Variants in ARHGAP24 observed in about 807,000 individuals in gnomAD.
ARHGAP24 encodes the protein Rho GTPase activating protein 24.
A neutral mutation model predicts 76.4 loss-of-function variants in ARHGAP24; 50 were observed. That is an observed-to-expected ratio of 0.65 (90% CI 0.52 to 0.83). The LOEUF (loss-of-function observed/expected upper bound fraction) is 0.83. Among genes scored for constraint, ARHGAP24 ranks in the 40% least tolerant of loss-of-function variants. The probability of loss-of-function intolerance (pLI) is 0.00; values close to 1 mark genes in which losing one functional copy is unlikely to be tolerated. For missense variants in ARHGAP24, 930 were observed against 914.2 expected, an observed-to-expected ratio of 1.02 and a Z score of -0.22; for synonymous variants, 345 against 323.3, an observed-to-expected ratio of 1.07 and a Z score of -0.72.
intron 3 of ARHGAP24, among the ~76,000 whole-genome samples, chr4:85,868,948 A>G (rs1445735702): frequency 2.6e-5 from 4 of 151,906 alleles, no homozygotes; most frequent in Admixed American, 1.3e-4. Context: ...TCATTGATCT[A>G]TCATAGTTGT....
chr4:85,521,456 A>ATACCTTCTCTCCCCCTCCCTTTTTATCC (rs1474189421), intron 1 of ARHGAP24, among the ~76,000 whole-genome samples: 1 of 90,002 alleles, frequency 1.1e-5, no homozygotes, highest in Non-Finnish European at 2.6e-5. Context: ...CCTTTTTATC[A>ATACCTTCTCTCCCCCTCCCTTTTTATCC]CCTCCATCCG....
chr4:85,597,657 T>C (rs1719889832), intron 2 of ARHGAP24, among the ~76,000 whole-genome samples: 1 of 151,668 alleles, frequency 6.6e-6, no homozygotes, highest in Admixed American at 6.6e-5. Flanking sequence ...TAGACACTGG[T>C]ATTTGGGAGA....
intron 3 of ARHGAP24, among the ~76,000 whole-genome samples, chr4:85,752,818 TTGCTTGG>T (rs1473258208): frequency 6.6e-6 from 1 of 152,222 alleles, no homozygotes; most frequent in African/African-American, 2.4e-5. Flanking sequence ...GCCTAACACC[TTGCTTGG>T]CACAAAGGAG....
At chr4:85,525,643 C>T (rs1413395378) in intron 1 of ARHGAP24, among the ~76,000 whole-genome samples, 1 of 152,122 alleles carries the variant, frequency 6.6e-6, no homozygotes, top group African/African-American at 2.4e-5. Flanking sequence ...AGATCTCTTG[C>T]ATATTTGTAG....
chr4:85,655,818 A>AAGAGAGAGAGAGAGAG (rs70948743), intron 2 of ARHGAP24, among the ~76,000 whole-genome samples: 2 of 35,506 alleles, frequency 5.6e-5, no homozygotes, highest in African/African-American at 1.5e-4. Flanking sequence ...GAGAGAGAGA[A>AAGAGAGAGAGAGAGAG]AGAGAGAGAG....
intron 9 of ARHGAP24, chr4:86,000,172 G>A (rs1225796790): frequency 3.3e-5 from 8 of 241,724 alleles, no homozygotes; most frequent in South Asian, 2.5e-4. Context: ...TTTCTGCCTC[G>A]TCTGCCCGGC....
chr4:85,552,620 T>TA (rs1361281160), intron 1 of ARHGAP24, among the ~76,000 whole-genome samples: 2 of 152,172 alleles, frequency 1.3e-5, no homozygotes, highest in Admixed American at 1.3e-4. Context: ...AGTGGGGTAT[T>TA]GACATCTCCC....
chr4:86,002,407 A>G lies in ARHGAP24; in HGVS notation c.*1685A>G, dbSNP rs1415567805. 1 of 152,208 alleles carries G rather than the reference A, an allele frequency of 6.6e-6. No individual in the cohort carries two copies. Among genetic ancestry groups the G allele is most frequent in the African/African-American group, 2.4e-5 (1 of 41,452 alleles). The allele number at this position is 152,208 out of a possible 1,614,324, so 9.4% of individuals were successfully genotyped here. A position where few individuals can be genotyped will look rare whatever the true frequency, so the allele number is the denominator to read the frequency against. The stretch of plus-strand genomic sequence containing the variant: ...CCAGTTACTTCCACCTGGACATACG[A>G]TAGGAAATTCAAACTCAAAATATGA... On this transcript the variant is annotated 3_prime_UTR_variant, in exon 10 of 10. Coordinates refer to ENST00000395184, the MANE Select transcript of ARHGAP24 (RefSeq NM_001025616.3).
intron 2 of ARHGAP24, among the ~76,000 whole-genome samples, chr4:85,625,385 A>G (rs981152481): frequency 2.6e-5 from 4 of 152,166 alleles, no homozygotes; most frequent in African/African-American, 9.6e-5. Context: ...AGCGGTTTTG[A>G]GTGAGTTTCT....
intron 3 of ARHGAP24, chr4:85,778,974 T>C (rs1010670050): frequency 3.0e-6 from 3 of 985,446 alleles, no homozygotes; most frequent in South Asian, 9.4e-5. Context: ...AGGTACTGTT[T>C]TTACTCATTT....
At chr4:85,891,095 T>A (rs897829943) in intron 3 of ARHGAP24, among the ~76,000 whole-genome samples, 1 of 152,158 alleles carries the variant, frequency 6.6e-6, no homozygotes, top group Non-Finnish European at 1.5e-5. Flanking sequence ...ATGGTGGGGA[T>A]GTAAACTGGA....
At position 85,662,086 on chromosome 4, in the gene ARHGAP24, C is replaced by T. The variant is rs574296669; in HGVS notation, c.181-59799C>T. Among the ~76,000 whole-genome samples, 36 of 152,308 alleles carry T rather than the reference C, an allele frequency of 2.4e-4. No individual in the cohort carries two copies. The East Asian group carries it at 5.2e-3, about 22-fold the overall frequency. ...TTCTACTTCTAGATCCCTGAGGAATCGCCACACTGACTTCCACAAGGGTTG... is the reference window on the plus strand; with the variant it reads ...TTCTACTTCTAGATCCCTGAGGAATTGCCACACTGACTTCCACAAGGGTTG... On this transcript the variant is annotated intron_variant, in intron 2 of 9. Transcript: ENST00000395184.
chr4:85,702,206 A>T (rs780933663), intron 2 of ARHGAP24, among the ~76,000 whole-genome samples: 1 of 152,186 alleles, frequency 6.6e-6, no homozygotes, highest in Non-Finnish European at 1.5e-5. Context: ...TAGACAAAGG[A>T]AGAGTAGTAA....
intron 3 of ARHGAP24, among the ~76,000 whole-genome samples, chr4:85,803,774 T>G (rs1185569708): frequency 6.6e-6 from 1 of 152,178 alleles, no homozygotes; most frequent in Non-Finnish European, 1.5e-5. Context: ...GAATGTGGCT[T>G]TGCAAACAGT....
chr4:85,867,704 T>C (rs1292187796), intron 3 of ARHGAP24, among the ~76,000 whole-genome samples: 2 of 151,542 alleles, frequency 1.3e-5, no homozygotes, highest in South Asian at 2.1e-4. Context: ...TTCTCAATTC[T>C]CAGTGCTATT....
chr4:85,608,902 AC>A (rs1373474037), intron 2 of ARHGAP24, among the ~76,000 whole-genome samples: 3 of 151,808 alleles, frequency 2.0e-5, no homozygotes, highest in Non-Finnish European at 4.4e-5. Context: ...ATATAATTAA[AC>A]CCGAGGACTT....
intron 3 of ARHGAP24, among the ~76,000 whole-genome samples, chr4:85,916,000 T>G (rs895460157): frequency 6.6e-6 from 1 of 152,188 alleles, no homozygotes; most frequent in African/African-American, 2.4e-5. Flanking sequence ...CAACACACTG[T>G]CTTCCACAAC....
intron 3 of ARHGAP24, among the ~76,000 whole-genome samples, chr4:85,736,267 A>T (rs2624021): frequency 0.51 from 76,970 of 152,130 alleles, 23,003 homozygotes; most frequent in Non-Finnish European, 0.69. Context: ...TCACTCAAGA[A>T]TGTAAGTTCC....
chr4:85,829,369 A>C (rs143930514), intron 3 of ARHGAP24, among the ~76,000 whole-genome samples: 2 of 152,346 alleles, frequency 1.3e-5, no homozygotes, highest in South Asian at 2.1e-4. Flanking sequence ...AAAGTATGTC[A>C]GTTTTGAAAG....
Sources: allele counts gnomAD v4.1 joint callset (sites outside exome capture counted in the v4.1 genomes callset), GRCh38; gene constraint gnomAD v4.1.1; transcripts MANE v1.5; gene names NCBI Gene and HGNC (gene_info 2026-07-23, HGNC 2026-07-21).